The following EML4 variants were observed in gnomAD, a reference collection of about 807,000 sequenced individuals.
The protein encoded by EML4 is EMAP like 4.
EML4 carries 72 observed loss-of-function variants against 129.0 expected under a neutral mutation model. The ratio of observed to expected loss-of-function variants is 0.56; its 90% CI spans 0.46 to 0.68. The LOEUF is 0.68. Ranked by LOEUF, EML4 falls within the 30% of genes least tolerant of loss-of-function variation. The pLI, the probability that EML4 is intolerant of heterozygous loss-of-function variation, is 0.00. For synonymous variants in EML4, 532 were observed against 405.0 expected (o/e 1.31, Z -3.77); for missense variants, 1,363 against 1,190.6 (o/e 1.14, Z -2.13).
chr2:42,301,128 C>T, intron 13 of EML4, 113 bp from the exon 14 acceptor site: 1 of 859,684 alleles, frequency 1.2e-6, no homozygotes, highest in South Asian at 1.7e-5. Flanking sequence ...TTGATTGAGT[C>T]ATATGAACTT....
chr2:42,329,344 C>T (rs1572770537), intron 22 of EML4, among the ~76,000 whole-genome samples: 1 of 152,120 alleles, frequency 6.6e-6, no homozygotes, highest in Non-Finnish European at 1.5e-5. Flanking sequence ...ACATATTCAA[C>T]GTTATAAAAC....
At chr2:42,296,044 C>A (rs771591663) in intron 13 of EML4, among the ~76,000 whole-genome samples, 1 of 152,044 alleles carries the variant, frequency 6.6e-6, no homozygotes, top group Non-Finnish European at 1.5e-5. Flanking sequence ...TTTATTTGCA[C>A]CCAAATATAC....
chr2:42,327,655 G>A (rs1391324775), intron 21 of EML4, among the ~76,000 whole-genome samples: 1 of 152,158 alleles, frequency 6.6e-6, no homozygotes, highest in East Asian at 1.9e-4. Context: ...CTCTATGACT[G>A]TTTTCTAAGC....
At chr2:42,273,114 G>A (rs1196554266) in intron 6 of EML4, among the ~76,000 whole-genome samples, 11 of 152,000 alleles carry the variant, frequency 7.2e-5, no homozygotes, top group Non-Finnish European at 1.3e-4. Flanking sequence ...AAAAAGTTAA[G>A]TGCAACTTGG....
In EML4 at chr2:42,330,138, CGA is replaced by C; in HGVS notation, c.2880_2881del (p.Glu960AspfsTer44). On this transcript the variant is annotated frameshift_variant, in exon 23 of 23. Coordinates refer to ENST00000318522, the MANE Select transcript of EML4 (RefSeq NM_019063.5). LOFTEE classifies it high-confidence loss of function. ...AGCCTCTTTATGAAGAGCCATGCAACGAGATAAGCAAGGAGCAGGCCAAAGCC... is the reference window on the plus strand; with the variant it reads ...AGCCTCTTTATGAAGAGCCATGCAACGATAAGCAAGGAGCAGGCCAAAGCC... ...GEPLYEEPCN[E>X]ISKEQAKATL... 6.2e-7 allele frequency: 1 copy of C among 1,612,034 alleles called. No individual in the cohort carries two copies. The highest frequency in any genetic ancestry group is 8.5e-7 in the Non-Finnish European group (1 of 1,179,704).
chr2:42,312,080 C>G (rs1668984789), intron 17 of EML4, among the ~76,000 whole-genome samples: 1 of 152,094 alleles, frequency 6.6e-6, no homozygotes, highest in Non-Finnish European at 1.5e-5. Flanking sequence ...GCCAGTTTTC[C>G]TGCTTATTAG....
At chr2:42,255,002 A>C (rs1676033141) in intron 2 of EML4, among the ~76,000 whole-genome samples, 1 of 152,186 alleles carries the variant, frequency 6.6e-6, no homozygotes, top group Non-Finnish European at 1.5e-5. Flanking sequence ...TGTACTATAT[A>C]AAAGAAGCCA....
intron 17 of EML4, among the ~76,000 whole-genome samples, chr2:42,313,749 G>A (rs1273186741): frequency 1.4e-4 from 21 of 150,872 alleles, no homozygotes; most frequent in South Asian, 2.1e-4. Flanking sequence ...TCAACACGGC[G>A]AAACCCTATC....
chr2:42,315,825 G>A (rs1669215454), intron 17 of EML4, 137 bp from the exon 18 acceptor site: 3 of 614,356 alleles, frequency 4.9e-6, no homozygotes, highest in South Asian at 2.1e-5. Context: ...CAAGGCTGTG[G>A]TGAGCTAGGA....
intron 1 of EML4, among the ~76,000 whole-genome samples, chr2:42,182,093 C>G (rs62144746): frequency 0.031 from 4,581 of 149,014 alleles, 101 homozygotes; most frequent in Non-Finnish European, 0.049. Flanking sequence ...GAGTCCTCCC[C>G]TACATAATCA....
Position 42,303,436 on chromosome 2 carries a change from G to C in EML4, c.1889G>C (p.Arg630Thr). 1 of 1,613,814 alleles carries C rather than the reference G, an allele frequency of 6.2e-7. No homozygotes were observed. Among genetic ancestry groups the C allele is most frequent in the Non-Finnish European group, 8.5e-7 (1 of 1,179,818 alleles). Residue 630 changes from arginine to threonine, a missense_variant, in exon 16 of 23, where the codon AGG becomes ACG. Physicochemically the swap from Arg to Thr is moderately conservative, Grantham distance 71 (BLOSUM62 -1). Transcript: ENST00000318522. ...ATGGAACACAGGCTGGAATGGACCA[G>C]GCTGGTAGATGTGAGTGAAGCAGGA... Reference protein sequence around the residue: ...NSMEHRLEWTRLVDEPGHCAD... With the variant: ...NSMEHRLEWTTLVDEPGHCAD...
intron 17 of EML4, among the ~76,000 whole-genome samples, chr2:42,307,019 G>A (rs1668644238): frequency 6.6e-6 from 1 of 152,084 alleles, no homozygotes; most frequent in Non-Finnish European, 1.5e-5. Context: ...GTTTATCTTT[G>A]ACAATTAAAT....
chr2:42,266,605 A>G (rs559334541), intron 6 of EML4, among the ~76,000 whole-genome samples: 125 of 151,854 alleles, frequency 8.2e-4, no homozygotes, highest in African/African-American at 2.7e-3. Context: ...CAGCCTCCCA[A>G]AGTGTTGGGA....
rs1669941930 is a variant in EML4, at chr2:42,328,782, A to T, written c.2342-104A>T. On this transcript the variant is annotated intron_variant, in intron 21 of 22. Coordinates refer to ENST00000318522, the MANE Select transcript of EML4 (RefSeq NM_019063.5). ...AATGTTAACAGCTAAGAGTTTGAAC[A>T]TAGATAAAAGCTAAACAGATTCTAA... 4 of 907,772 alleles carry T rather than the reference A, an allele frequency of 4.4e-6. No individual in the cohort carries two copies. In the South Asian group the frequency reaches 6.8e-5, roughly 15 times the overall value. The allele number at this position is 907,772 out of a possible 1,614,324, so 56.2% of individuals were successfully genotyped here. A position where few individuals can be genotyped will look rare whatever the true frequency, so the allele number is the denominator to read the frequency against.
chr2:42,329,859 A>G lies in EML4; in HGVS notation c.2598A>G (p.Glu866=). 2 of 1,614,142 alleles carry G rather than the reference A, an allele frequency of 1.2e-6. No homozygotes were observed. Among genetic ancestry groups the G allele is most frequent in the Non-Finnish European group, 1.7e-6 (2 of 1,180,022 alleles). ...GCATCATTCAGTGGAAACTTGTGGA[A>G]AAGTTATCTTTGCCTCAGAATGAGA... The part of the protein sequence containing the change: ...DMSIIQWKLV[E]KLSLPQNETV... Residue 866 remains glutamate, a synonymous_variant, in exon 23 of 23, where the codon GAA becomes GAG. Transcript: ENST00000318522.
intron 1 of EML4, among the ~76,000 whole-genome samples, chr2:42,208,429 TTTTTC>T (rs1211996447): frequency 1.3e-5 from 2 of 151,114 alleles, no homozygotes; most frequent in Admixed American, 6.6e-5. Context: ...CCTTTAATTT[TTTTTC>T]TTTTCTTTTC....
intron 6 of EML4, among the ~76,000 whole-genome samples, chr2:42,267,855 T>G (rs2104412751): frequency 6.6e-6 from 1 of 152,306 alleles, no homozygotes. Flanking sequence ...ACAGCAGAGA[T>G]AAAGTCCTAG....
intron 18 of EML4, among the ~76,000 whole-genome samples, chr2:42,316,794 A>G (rs1669267612): frequency 1.3e-5 from 2 of 152,364 alleles, no homozygotes; most frequent in South Asian, 4.1e-4. Flanking sequence ...CACAGAGAGT[A>G]GTATTCTTTA....
chr2:42,195,152 G>T (rs1156868331), intron 1 of EML4, among the ~76,000 whole-genome samples: 1 of 152,082 alleles, frequency 6.6e-6, no homozygotes, highest in Non-Finnish European at 1.5e-5. Context: ...TTGTTTTGTG[G>T]CCATGGAATG....
Sources: gnomAD v4.1 joint callset for allele counts (sites outside exome capture counted in the v4.1 genomes callset) on GRCh38, gnomAD v4.1.1 for gene constraint, MANE v1.5 for transcripts, NCBI Gene and HGNC (gene_info 2026-07-23, HGNC 2026-07-21) for gene names.